Variants in LRRTM4 observed in about 807,000 individuals in gnomAD.
LRRTM4 encodes the protein leucine rich repeat transmembrane neuronal 4.
A neutral mutation model predicts 47.6 loss-of-function variants in LRRTM4; 25 were observed. That is an observed-to-expected ratio of 0.53 (90% confidence interval 0.38 to 0.73). The LOEUF (loss-of-function observed/expected upper bound fraction) is 0.73, where lower values mean the gene tolerates loss of function less well. LRRTM4 is among the 30% of genes least tolerant of loss of function. LRRTM4 has a pLI of 0.00. For missense variants in LRRTM4, 638 were observed against 713.4 expected (o/e 0.89, Z 1.20); for synonymous variants, 311 against 269.5 (o/e 1.15, Z -1.51).
chr2:77,253,515 G>T (rs749249337), intron 3 of LRRTM4, among the ~76,000 whole-genome samples: 1 of 152,042 alleles, frequency 6.6e-6, no homozygotes, highest in Non-Finnish European at 1.5e-5. Context: ...ACCCAGTCCT[G>T]CAGTTATTCA....
chr2:76,971,025 ATG>A (rs1676199379), intron 3 of LRRTM4, among the ~76,000 whole-genome samples: 1 of 152,114 alleles, frequency 6.6e-6, no homozygotes, highest in Non-Finnish European at 1.5e-5. Context: ...TCAAAGCAGC[ATG>A]TGAGGTGTGT....
At chr2:77,445,115 A>C (rs937753086) in intron 3 of LRRTM4, among the ~76,000 whole-genome samples, 1 of 152,112 alleles carries the variant, frequency 6.6e-6, no homozygotes, top group African/African-American at 2.4e-5. Flanking sequence ...GCAATTGTGT[A>C]TGATTAAAGA....
intron 3 of LRRTM4, among the ~76,000 whole-genome samples, chr2:77,338,119 AC>A (rs1296477134): frequency 2.0e-5 from 3 of 152,092 alleles, no homozygotes; most frequent in Admixed American, 1.3e-4. Context: ...TTGAATATAA[AC>A]CCCAAACTAT....
chr2:77,081,355 A>G (rs570611817), intron 3 of LRRTM4, among the ~76,000 whole-genome samples: 3 of 152,154 alleles, frequency 2.0e-5, no homozygotes, highest in Non-Finnish European at 4.4e-5. Context: ...ATATATTTCT[A>G]TTATAAAATG....
At chr2:77,071,843 G>C (rs1432989857) in intron 3 of LRRTM4, among the ~76,000 whole-genome samples, 1 of 152,112 alleles carries the variant, frequency 6.6e-6, no homozygotes, top group African/African-American at 2.4e-5. Flanking sequence ...CCAAAACCCA[G>C]CATTTGTGAA....
At chr2:77,483,186 T>C (rs866605371) in intron 3 of LRRTM4, among the ~76,000 whole-genome samples, 1 of 149,532 alleles carries the variant, frequency 6.7e-6, no homozygotes, top group African/African-American at 2.5e-5. Flanking sequence ...GCCATTAGGT[T>C]CTAATTTACA....
At chr2:77,218,570 T>A (rs1232052465) in intron 3 of LRRTM4, among the ~76,000 whole-genome samples, 1 of 151,970 alleles carries the variant, frequency 6.6e-6, no homozygotes, top group Non-Finnish European at 1.5e-5. Flanking sequence ...GAAATGGTTT[T>A]AATGTCTCAC....
At chr2:76,959,346 G>C (rs1034574201) in intron 3 of LRRTM4, among the ~76,000 whole-genome samples, 1 of 151,232 alleles carries the variant, frequency 6.6e-6, no homozygotes, top group Non-Finnish European at 1.5e-5. Context: ...CTGAAATGAA[G>C]AAAGTCACAT....
At chr2:77,414,899 T>C (rs1002192176) in intron 3 of LRRTM4, among the ~76,000 whole-genome samples, 2 of 152,204 alleles carry the variant, frequency 1.3e-5, no homozygotes, top group African/African-American at 4.8e-5. Flanking sequence ...AAAGTAGAGT[T>C]TGACACTTTC....
At chr2:77,237,653 C>T (rs915968364) in intron 3 of LRRTM4, among the ~76,000 whole-genome samples, 1 of 152,040 alleles carries the variant, frequency 6.6e-6, no homozygotes, top group East Asian at 1.9e-4. Flanking sequence ...CTCCGTGATC[C>T]TCCACCAAGT....
intron 3 of LRRTM4, among the ~76,000 whole-genome samples, chr2:77,125,117 A>G (rs991623703): frequency 6.6e-6 from 1 of 152,198 alleles, no homozygotes; most frequent in South Asian, 2.1e-4. Flanking sequence ...CAGTGCCAAC[A>G]TGGATAGACT....
At chr2:76,944,814 G>A (rs759763986) in intron 3 of LRRTM4, among the ~76,000 whole-genome samples, 1 of 151,990 alleles carries the variant, frequency 6.6e-6, no homozygotes, top group Non-Finnish European at 1.5e-5. Context: ...CAAATGGCGA[G>A]TAAAAAGAGT....
At chr2:77,156,660 G>A (rs1672568417) in intron 3 of LRRTM4, among the ~76,000 whole-genome samples, 1 of 151,168 alleles carries the variant, frequency 6.6e-6, no homozygotes, top group Non-Finnish European at 1.5e-5. Flanking sequence ...GAAATTCGGG[G>A]TGAGGTAGAA....
intron 3 of LRRTM4, among the ~76,000 whole-genome samples, chr2:77,022,372 C>G (rs1425025017): frequency 6.6e-6 from 1 of 152,070 alleles, no homozygotes; most frequent in African/African-American, 2.4e-5. Flanking sequence ...CCCCCTGCCC[C>G]TCCAAATCCC....
At chr2:76,978,274 G>A (rs781566197) in intron 3 of LRRTM4, among the ~76,000 whole-genome samples, 6 of 151,960 alleles carry the variant, frequency 3.9e-5, no homozygotes, top group Non-Finnish European at 7.4e-5. Context: ...ACCTTGCTAA[G>A]GCATTTCCCC....
At position 77,477,853 on chromosome 2, in the gene LRRTM4, AAAAG is replaced by A. The variant is rs1401579921; in HGVS notation, c.1551+40461_1551+40464del. ...GAGCAAAACTCCATCAAAAAAAAAA[AAAAG>A]AAAGAGAGAGAGAAAGAAAGAAAGA... On this transcript the variant is annotated intron_variant, in intron 3 of 3. Transcript: ENST00000409884. Among the ~76,000 whole-genome samples the A allele has an allele frequency of 5.0e-4, 74 of 148,492 alleles. 1 individual carries two copies. The highest frequency in any genetic ancestry group is 1.8e-3 in the African/African-American group (72 of 40,278).
At chr2:77,218,031 A>G (rs151318965) in intron 3 of LRRTM4, among the ~76,000 whole-genome samples, 86 of 151,932 alleles carry the variant, frequency 5.7e-4, no homozygotes, top group Middle Eastern at 3.4e-3. Context: ...TTATTGCCCT[A>G]TTGCCCAGGC....
Position 76,769,184 on chromosome 2 carries a change from G to T in LRRTM4, c.1552-20268C>A, listed in dbSNP as rs12995505. Among the ~76,000 whole-genome samples the T allele has an allele frequency of 4.1e-3, 621 of 152,032 alleles. 9 individuals carry two copies. The South Asian group carries it at 0.048, about 12-fold the overall frequency. The stretch of plus-strand genomic sequence containing the variant: ...ACATCTTCATAGGACTAGAAGGAAC[G>T]TTCTGCTCCCTTGGTTTCATAAACT... On this transcript the variant is annotated intron_variant, in intron 3 of 3. Coordinates refer to ENST00000409884, the MANE Select transcript of LRRTM4 (RefSeq NM_001134745.3).
chr2:76,905,463 G>A (rs190055015), intron 3 of LRRTM4, among the ~76,000 whole-genome samples: 132 of 152,262 alleles, frequency 8.7e-4, no homozygotes, highest in African/African-American at 2.6e-3. Context: ...CCAAAGGATC[G>A]CAGTTCCTCA....
Sources: gnomAD v4.1 joint callset for allele counts (sites outside exome capture counted in the v4.1 genomes callset) on GRCh38, gnomAD v4.1.1 for gene constraint, MANE v1.5 for transcripts, NCBI Gene and HGNC (gene_info 2026-07-23, HGNC 2026-07-21) for gene names.